PCDHA8: variants seen among roughly 807,000 people sequenced by gnomAD.
PCDHA8 encodes protocadherin alpha-8.
In PCDHA8, 53 loss-of-function variants were observed where a neutral mutation model predicts 61.8. The observed-to-expected ratio is 0.86, with a 90% confidence interval of 0.69 to 1.08. PCDHA8 has a LOEUF of 1.08. Among genes scored for constraint, PCDHA8 ranks in the 50% least tolerant of loss-of-function variants. The pLI is 0.00. For synonymous variants in PCDHA8, 618 were observed against 556.6 expected (o/e 1.11, Z -1.55); for missense variants, 1,293 against 1,245.0 (o/e 1.04, Z -0.58).
intron 1 of PCDHA8, chr5:140,848,346 C>A: frequency 1.1e-6 from 1 of 925,186 alleles, no homozygotes; most frequent in East Asian, 2.4e-5. Context: ...ACAAATACAG[C>A]CCTTTTCCCA....
rs1459131060 is a variant in PCDHA8 at position 140,876,463 on chromosome 5, G to A, written c.2394+32748G>A. On this transcript the variant is annotated intron_variant, in intron 1 of 3. Transcript: ENST00000531613. ...CATTGATAAAGGGATTCCTTCCATG[G>A]CAGGTCACAGCATGGTCCTGGTGGA... is the stretch of plus-strand genomic sequence containing the variant. 3.7e-6 allele frequency: 6 copies of A among 1,613,896 alleles called. No homozygotes were observed. In the African/African-American group the frequency reaches 6.7e-5, roughly 18 times the overall value.
chr5:140,850,297 C>G, intron 1 of PCDHA8: 2 of 1,596,438 alleles, frequency 1.3e-6, no homozygotes, highest in Non-Finnish European at 1.7e-6. Flanking sequence ...GACGCCGACT[C>G]GGGCTACAAC....
intron 1 of PCDHA8, among the ~76,000 whole-genome samples, chr5:140,930,742 A>G (rs2087064675): frequency 6.6e-6 from 1 of 152,216 alleles, no homozygotes; most frequent in Non-Finnish European, 1.5e-5. Context: ...AATAAAATAA[A>G]TTTACATATG....
chr5:140,940,510 G>T (rs1477590604), intron 1 of PCDHA8, among the ~76,000 whole-genome samples: 1 of 151,778 alleles, frequency 6.6e-6, no homozygotes, highest in Non-Finnish European at 1.5e-5. Context: ...TCGCTCAGGC[G>T]TGATCATAGC....
At chr5:140,978,770 A>G in intron 1 of PCDHA8, 179 bp from the exon 2 acceptor site, 3 of 956,466 alleles carry the variant, frequency 3.1e-6, no homozygotes, top group Non-Finnish European at 2.5e-6. Context: ...CTGATGAACT[A>G]ATTTTCTTCT....
chr5:140,905,947 C>T (rs1210025825), intron 1 of PCDHA8, among the ~76,000 whole-genome samples: 7 of 152,124 alleles, frequency 4.6e-5, no homozygotes, highest in African/African-American at 9.7e-5. Context: ...ACTTGGAATC[C>T]GATGTTCAAG....
At chr5:140,879,180 G>C (rs1459369751) in intron 1 of PCDHA8, among the ~76,000 whole-genome samples, 14 of 152,206 alleles carry the variant, frequency 9.2e-5, no homozygotes, top group African/African-American at 3.4e-4. Context: ...TAGGTATCAA[G>C]TAATGGAGAC....
At chr5:141,005,018 T>C (rs2098193299) in intron 3 of PCDHA8, among the ~76,000 whole-genome samples, 1 of 152,250 alleles carries the variant, frequency 6.6e-6, no homozygotes, top group Non-Finnish European at 1.5e-5. Flanking sequence ...AGCTGCATTA[T>C]ATATAATTGC....
chr5:140,986,566 TTA>T (rs782155316), intron 3 of PCDHA8, among the ~76,000 whole-genome samples: 3 of 152,114 alleles, frequency 2.0e-5, no homozygotes, highest in Non-Finnish European at 4.4e-5. Context: ...TTGTTATCTG[TTA>T]TTGGTTTTTC....
intron 1 of PCDHA8, among the ~76,000 whole-genome samples, chr5:140,952,008 G>A (rs1427518321): frequency 6.6e-6 from 1 of 152,132 alleles, no homozygotes; most frequent in Non-Finnish European, 1.5e-5. Context: ...AAGAATTATA[G>A]GCCCCATGCA....
chr5:140,975,903 C>A (rs1189531342), intron 1 of PCDHA8, among the ~76,000 whole-genome samples: 1 of 152,090 alleles, frequency 6.6e-6, no homozygotes, highest in Admixed American at 6.6e-5. Context: ...AGTTTTGTGA[C>A]CATTATTCTA....
intron 1 of PCDHA8, chr5:140,926,324 G>A (rs574950381): frequency 6.6e-6 from 1 of 152,268 alleles, no homozygotes; most frequent in Non-Finnish European, 1.5e-5. Flanking sequence ...GTGCGCCGGG[G>A]TCAGAGCGCC....
At chr5:140,981,859 C>A (rs2096954450) in intron 2 of PCDHA8, among the ~76,000 whole-genome samples, 1 of 152,118 alleles carries the variant, frequency 6.6e-6, no homozygotes, top group African/African-American at 2.4e-5. Flanking sequence ...TCACTCCCAG[C>A]AATGTTTTAT....
At chr5:140,950,546 C>G (rs1323652854) in intron 1 of PCDHA8, among the ~76,000 whole-genome samples, 4 of 151,970 alleles carry the variant, frequency 2.6e-5, no homozygotes, top group Non-Finnish European at 4.4e-5. Flanking sequence ...TCTTGCATGG[C>G]TGGGGGGACA....
chr5:140,988,524 T>C (rs1338675660), intron 3 of PCDHA8, among the ~76,000 whole-genome samples: 2 of 152,212 alleles, frequency 1.3e-5, no homozygotes, highest in East Asian at 3.8e-4. Context: ...AAGTCTCTGC[T>C]GGCTCCATCC....
At chr5:140,865,232 A>T (rs577307618) in intron 1 of PCDHA8, 1 of 152,202 alleles carries the variant, frequency 6.6e-6, no homozygotes, top group Non-Finnish European at 1.5e-5. Context: ...ATCCCAGAGA[A>T]CACGTATTTA....
chr5:140,995,245 A>G (rs2097671494), intron 3 of PCDHA8, among the ~76,000 whole-genome samples: 1 of 152,194 alleles, frequency 6.6e-6, no homozygotes, highest in African/African-American at 2.4e-5. Flanking sequence ...ATTAAGTAAA[A>G]TAAGGGTACT....
At chr5:140,851,405 GAAAGAAA>G in intron 1 of PCDHA8, 2 of 966,032 alleles carry the variant, frequency 2.1e-6, no homozygotes, top group Non-Finnish European at 2.5e-6. Context: ...ATTTTAATAA[GAAAGAAA>G]CTTCCCCTAA....
intron 3 of PCDHA8, among the ~76,000 whole-genome samples, chr5:140,996,686 T>G (rs1447702915): frequency 2.6e-5 from 4 of 152,214 alleles, no homozygotes; most frequent in Non-Finnish European, 5.9e-5. Flanking sequence ...TGGGCTAGTA[T>G]TCTTCTGAAC....
Sources: allele counts gnomAD v4.1 joint callset (sites outside exome capture counted in the v4.1 genomes callset), GRCh38; gene constraint gnomAD v4.1.1; transcripts MANE v1.5; gene names NCBI Gene and HGNC (gene_info 2026-07-23, HGNC 2026-07-21).